The following RANBP2 variants were observed in gnomAD, a reference collection of about 807,000 sequenced individuals.
The protein encoded by RANBP2 is RAN binding protein 2, also known as E3 SUMO-protein ligase RanBP2.
In RANBP2, 57 loss-of-function variants were observed where a neutral mutation model predicts 303.6. That is an observed-to-expected ratio of 0.19 (90% CI 0.15 to 0.23). The LOEUF (loss-of-function observed/expected upper bound fraction) is 0.23. Ranked by LOEUF, RANBP2 falls within the 10% of genes least tolerant of loss-of-function variation. RANBP2 has a pLI of 1.00. For synonymous variants in RANBP2, 1,167 were observed against 1,301.5 expected (o/e 0.90, Z 2.23); for missense variants, 3,138 against 3,780.8 (o/e 0.83, Z 4.46).
the RANBP2 span, among the ~76,000 whole-genome samples, chr2:109,673,146 A>G: frequency 6.6e-6 from 1 of 152,194 alleles, no homozygotes; most frequent in Admixed American, 6.5e-5. Context: ...GTGACTGGGC[A>G]TAGAGTCAGC....
intron 6 of RANBP2, among the ~76,000 whole-genome samples, chr2:108,739,630 T>C (rs955705587): frequency 1.2e-4 from 19 of 152,190 alleles, no homozygotes; most frequent in Non-Finnish European, 2.6e-4. Context: ...GCTTTTACTT[T>C]TCTTCCAAAG....
At chr2:109,154,490 C>T in the RANBP2 span, among the ~76,000 whole-genome samples, 172 of 152,334 alleles carry the variant, frequency 1.1e-3, no homozygotes, top group Non-Finnish European at 1.6e-3. Context: ...GGGGCCAGGC[C>T]TCGAGGCTTC....
the RANBP2 span, among the ~76,000 whole-genome samples, chr2:109,286,476 G>A: frequency 6.6e-6 from 1 of 152,188 alleles, no homozygotes. Context: ...CTGCACCACA[G>A]TCCCGCACAA....
chr2:109,622,988 G>A, the RANBP2 span, among the ~76,000 whole-genome samples: 2 of 152,032 alleles, frequency 1.3e-5, no homozygotes, highest in African/African-American at 4.8e-5. Context: ...TTAGCCAGGT[G>A]TGGTGGCACA....
the RANBP2 span, among the ~76,000 whole-genome samples, chr2:109,141,795 G>A: frequency 1.3e-5 from 2 of 152,090 alleles, no homozygotes; most frequent in Non-Finnish European, 2.9e-5. Context: ...TGGAGAAGGA[G>A]GTCAGGGTGA....
At chr2:109,083,450 T>C in the RANBP2 span, among the ~76,000 whole-genome samples, 3 of 152,242 alleles carry the variant, frequency 2.0e-5, no homozygotes, top group African/African-American at 7.2e-5. Context: ...GCTTCATCCA[T>C]GCTGCAGCGT....
chr2:109,585,237 G>T, the RANBP2 span: 1 of 1,611,978 alleles, frequency 6.2e-7, no homozygotes, highest in Non-Finnish European at 8.5e-7. Context: ...TTTAACATTT[G>T]GGCAAAAATG....
At chr2:109,470,448 G>C in the RANBP2 span, among the ~76,000 whole-genome samples, 7 of 152,230 alleles carry the variant, frequency 4.6e-5, no homozygotes, top group East Asian at 1.4e-3. Flanking sequence ...TGCACGTCTG[G>C]GGAGACACCA....
chr2:109,702,452 G>A, the RANBP2 span, among the ~76,000 whole-genome samples: 1 of 152,134 alleles, frequency 6.6e-6, no homozygotes, highest in Non-Finnish European at 1.5e-5. Flanking sequence ...TGGCTGACCT[G>A]CCACCCACCA....
chr2:109,552,933 T>G, the RANBP2 span: 1 of 847,744 alleles, frequency 1.2e-6, no homozygotes, highest in Non-Finnish European at 1.8e-6. Flanking sequence ...GCTATGATTC[T>G]AAGTCAATAT....
At chr2:109,525,384 G>A in the RANBP2 span, among the ~76,000 whole-genome samples, 3 of 152,060 alleles carry the variant, frequency 2.0e-5, no homozygotes, top group Non-Finnish European at 4.4e-5. Flanking sequence ...GGCTGGTCTC[G>A]AACTCCTGAC....
the RANBP2 span, among the ~76,000 whole-genome samples, chr2:108,966,767 A>T: frequency 2.6e-5 from 4 of 152,234 alleles, no homozygotes; most frequent in South Asian, 2.1e-4. Flanking sequence ...GCCAAGTGCC[A>T]GCCCTGGAAG....
the RANBP2 span, among the ~76,000 whole-genome samples, chr2:109,646,657 A>ATTTTTTTTTTTTTTTT: frequency 2.5e-5 from 3 of 119,016 alleles, no homozygotes; most frequent in Non-Finnish European, 3.4e-5. Context: ...ATGACTGGCT[A>ATTTTTTTTTTTTTTTT]TTTTTTTTTT....
At chr2:109,301,342 G>T in the RANBP2 span, among the ~76,000 whole-genome samples, 4 of 127,926 alleles carry the variant, frequency 3.1e-5, no homozygotes, top group Admixed American at 2.7e-4. Flanking sequence ...TGACGTGTGT[G>T]TGTGTGTGTG....
At chr2:109,427,272 G>A in the RANBP2 span, among the ~76,000 whole-genome samples, 1 of 152,000 alleles carries the variant, frequency 6.6e-6, no homozygotes, top group Admixed American at 6.5e-5. Context: ...CCTGGACAAA[G>A]AAAATATTTC....
chr2:108,763,169 T>C, intron 19 of RANBP2, 68 bp from the exon 20 acceptor site: 2 of 1,512,328 alleles, frequency 1.3e-6, no homozygotes, highest in Non-Finnish European at 1.8e-6. Context: ...TTGTGAGAAT[T>C]GGTTTGCATT....
At chr2:109,400,793 C>T in the RANBP2 span, among the ~76,000 whole-genome samples, 6 of 152,342 alleles carry the variant, frequency 3.9e-5, no homozygotes, top group East Asian at 1.2e-3. Flanking sequence ...TGTAACCGTG[C>T]AGTCATCTGC....
the RANBP2 span, among the ~76,000 whole-genome samples, chr2:109,132,948 A>G: frequency 1.3e-5 from 2 of 152,226 alleles, no homozygotes; most frequent in African/African-American, 2.4e-5. Context: ...GACAATTCCA[A>G]TTTTGTTTTG....
At chr2:109,474,638 G>A in the RANBP2 span, among the ~76,000 whole-genome samples, 1 of 152,226 alleles carries the variant, frequency 6.6e-6, no homozygotes, top group African/African-American at 2.4e-5. Flanking sequence ...TGAAATTCCA[G>A]AAGCTTCCCG....
Sources: allele counts gnomAD v4.1 joint callset (sites outside exome capture counted in the v4.1 genomes callset), GRCh38; gene constraint gnomAD v4.1.1; transcripts MANE v1.5; gene names NCBI Gene and HGNC (gene_info 2026-07-23, HGNC 2026-07-21).